The following CHST11 variants were observed in gnomAD, a reference collection of about 807,000 sequenced individuals.
CHST11 encodes the protein C4S-1.
A neutral mutation model predicts 30.4 loss-of-function variants in CHST11; 9 were observed. That is an observed-to-expected ratio of 0.30 (90% CI 0.18 to 0.52). CHST11 has a LOEUF of 0.52. Ranked by LOEUF, CHST11 falls within the 20% of genes least tolerant of loss-of-function variation. The pLI is 0.97. For synonymous variants in CHST11, 152 were observed against 187.8 expected (o/e 0.81, Z 1.56); for missense variants, 348 against 460.6 (o/e 0.76, Z 2.24).
intron 1 of CHST11, among the ~76,000 whole-genome samples, chr12:104,520,328 G>C (rs747999631): frequency 5.3e-4 from 80 of 152,252 alleles, no homozygotes; most frequent in African/African-American, 1.8e-3. Context: ...AAGCCTAAAG[G>C]AATGGACATG....
intron 2 of CHST11, among the ~76,000 whole-genome samples, chr12:104,701,897 G>A (rs529379659): frequency 6.6e-6 from 1 of 152,344 alleles, no homozygotes; most frequent in Non-Finnish European, 1.5e-5. Context: ...CCTCCTGCCA[G>A]TATTGGGCTC....
At position 104,757,633 on chromosome 12, in the gene CHST11, A is replaced by G; in HGVS notation, c.889A>G (p.Ser297Gly). ...CGTCCTGCAGCTGGCAGGAGTGGGCAGCTACCTGAAGTTCCCCACCTATGC... is the reference window on the plus strand; with the variant it reads ...CGTCCTGCAGCTGGCAGGAGTGGGCGGCTACCTGAAGTTCCCCACCTATGC... ...NYVLQLAGVG[S>G]YLKFPTYAKS... The change falls in exon 3 of 3, where the codon AGC (serine) becomes GGC (glycine). Residue 297 changes from serine (S) to glycine (G), a missense_variant. Physicochemically the swap from Ser to Gly is moderately conservative, Grantham distance 56. Transcript: ENST00000303694. The surrounding 1 kb of genome is among the most constrained non-coding windows in gnomAD (Gnocchi z 6.5). 2.5e-6 allele frequency: 4 copies of G among 1,614,212 alleles called. No homozygotes were observed. Among genetic ancestry groups the G allele is most frequent in the Non-Finnish European group, 3.4e-6 (4 of 1,180,032 alleles).
chr12:104,745,794 C>T (rs1181789875), intron 2 of CHST11, among the ~76,000 whole-genome samples: 1 of 152,134 alleles, frequency 6.6e-6, no homozygotes, highest in Non-Finnish European at 1.5e-5. Context: ...ATTTTGTATC[C>T]TGAGACTTTG....
intron 2 of CHST11, among the ~76,000 whole-genome samples, chr12:104,643,622 C>G (rs1189280621): frequency 7.6e-6 from 1 of 130,766 alleles, no homozygotes; most frequent in Non-Finnish European, 1.6e-5. Context: ...AGAGGACATT[C>G]AGAGACTTTT....
At chr12:104,513,845 T>C (rs1005034126) in intron 1 of CHST11, among the ~76,000 whole-genome samples, 7 of 152,220 alleles carry the variant, frequency 4.6e-5, no homozygotes, top group Admixed American at 1.3e-4. Context: ...GCAGGAAGAA[T>C]TCTGGCAGTG....
At chr12:104,470,184 A>T (rs1469266870) in intron 1 of CHST11, among the ~76,000 whole-genome samples, 1 of 152,258 alleles carries the variant, frequency 6.6e-6, no homozygotes, top group African/African-American at 2.4e-5. Flanking sequence ...AAATATCAAT[A>T]GTCGGGAAAC....
rs143414729 is a variant in CHST11, at chr12:104,586,674, G to A, written c.119-15232G>A. ...GGCAGGGAAGAAAGCACTTCGGCAT[G>A]TTTTCTGCCTCACTGCAAAATAAAT... On this transcript the variant is annotated intron_variant, in intron 1 of 2. Transcript: ENST00000303694. 2.5e-3 allele frequency among the ~76,000 whole-genome samples: 381 copies of A among 152,348 alleles called. 2 individuals carry two copies. Among genetic ancestry groups the A allele is most frequent in the African/African-American group, 8.6e-3 (358 of 41,588 alleles).
chr12:104,463,561 A>G (rs1387521919), intron 1 of CHST11, among the ~76,000 whole-genome samples: 1 of 152,200 alleles, frequency 6.6e-6, no homozygotes, highest in Admixed American at 6.5e-5. Flanking sequence ...ACATACATAC[A>G]TCTCTGCCTT....
At chr12:104,568,821 C>T (rs908851134) in intron 1 of CHST11, among the ~76,000 whole-genome samples, 4 of 152,172 alleles carry the variant, frequency 2.6e-5, no homozygotes, top group Non-Finnish European at 5.9e-5. Flanking sequence ...AGTTCATGTT[C>T]TTAACCACTA....
chr12:104,525,213 A>C (rs1037953136), intron 1 of CHST11, among the ~76,000 whole-genome samples: 1 of 151,836 alleles, frequency 6.6e-6, no homozygotes, highest in African/African-American at 2.4e-5. Flanking sequence ...TGATCCTAGA[A>C]CTTGTGGCCT....
At chr12:104,579,756 A>T (rs1349262912) in intron 1 of CHST11, among the ~76,000 whole-genome samples, 1 of 152,146 alleles carries the variant, frequency 6.6e-6, no homozygotes, top group Non-Finnish European at 1.5e-5. Context: ...AATTGTGTAG[A>T]CCCACTACAC....
intron 1 of CHST11, among the ~76,000 whole-genome samples, chr12:104,543,953 C>T (rs1625417): frequency 0.53 from 80,266 of 151,036 alleles, 22,095 homozygotes; most frequent in East Asian, 0.82. Context: ...AGATCCCCAT[C>T]TATGCAAAAA....
At chr12:104,665,823 T>C (rs1374214548) in intron 2 of CHST11, among the ~76,000 whole-genome samples, 2 of 134,576 alleles carry the variant, frequency 1.5e-5, no homozygotes, top group Non-Finnish European at 3.2e-5. Flanking sequence ...TTTTTTTTTT[T>C]TTTTTTTTTT....
intron 2 of CHST11, among the ~76,000 whole-genome samples, chr12:104,688,562 T>C (rs1406645991): frequency 1.3e-5 from 2 of 152,222 alleles, no homozygotes; most frequent in Non-Finnish European, 2.9e-5. Context: ...CATAAATTAA[T>C]GTTAAAACAT....
intron 1 of CHST11, among the ~76,000 whole-genome samples, chr12:104,599,272 G>A (rs2038935438): frequency 6.6e-6 from 1 of 152,158 alleles, no homozygotes; most frequent in African/African-American, 2.4e-5. Flanking sequence ...GCATTTTAAA[G>A]GCCTTGTATT....
chr12:104,462,186 GAAAAAGAAAAGAA>G (rs2037416122), intron 1 of CHST11, among the ~76,000 whole-genome samples: 1 of 106,694 alleles, frequency 9.4e-6, no homozygotes, highest in African/African-American at 4.0e-5. Context: ...AAAAAAAAAA[GAAAAAGAAAAGAA>G]AAAAAGAAAA....
intron 1 of CHST11, among the ~76,000 whole-genome samples, chr12:104,522,371 A>C (rs1285902010): frequency 6.6e-6 from 1 of 152,238 alleles, no homozygotes; most frequent in Non-Finnish European, 1.5e-5. Context: ...TATGGTGTGT[A>C]GGATACACCT....
chr12:104,687,005 C>G (rs1303550825), intron 2 of CHST11, among the ~76,000 whole-genome samples: 1 of 152,200 alleles, frequency 6.6e-6, no homozygotes, highest in African/African-American at 2.4e-5. Context: ...GTTTGCATCT[C>G]TCTCTCTCTA....
chr12:104,742,598 G>C (rs1380454694), intron 2 of CHST11, among the ~76,000 whole-genome samples: 1 of 152,206 alleles, frequency 6.6e-6, no homozygotes, highest in Non-Finnish European at 1.5e-5. Context: ...CAGCTTGGCA[G>C]CAGCCCCATT....
Sources: gnomAD v4.1 joint callset for allele counts (sites outside exome capture counted in the v4.1 genomes callset) on GRCh38, gnomAD v4.1.1 for gene constraint, Gnocchi (gnomAD v3.1) non-coding constraint, MANE v1.5 for transcripts, NCBI Gene and HGNC (gene_info 2026-07-23, HGNC 2026-07-21) for gene names.